The following AGBL4 variants were observed in gnomAD, a reference collection of about 807,000 sequenced individuals.
AGBL4 encodes the protein cytosolic carboxypeptidase 6.
AGBL4 carries 58 observed loss-of-function variants against 66.4 expected under a neutral mutation model. The observed-to-expected ratio is 0.87, with a 90% CI of 0.71 to 1.09. AGBL4 has a LOEUF of 1.09. Among genes scored for constraint, AGBL4 ranks in the 50% least tolerant of loss-of-function variants. The pLI is 0.00. For synonymous variants in AGBL4, 234 were observed against 222.9 expected (o/e 1.05, Z -0.44); for missense variants, 579 against 631.0 (o/e 0.92, Z 0.88).
At chr1:49,820,584 C>T (rs761864617) in intron 2 of AGBL4, among the ~76,000 whole-genome samples, 2 of 152,120 alleles carry the variant, frequency 1.3e-5, no homozygotes, top group Non-Finnish European at 2.9e-5. Flanking sequence ...TCAAACCCTA[C>T]ACAGGGATTG....
intron 1 of AGBL4, among the ~76,000 whole-genome samples, chr1:49,937,161 G>A (rs1361753308): frequency 5.3e-5 from 8 of 151,266 alleles, no homozygotes; most frequent in African/African-American, 1.7e-4. Flanking sequence ...CAAGCAAATG[G>A]AAAACAAAAA....
At chr1:49,879,688 C>T (rs946809846) in intron 1 of AGBL4, among the ~76,000 whole-genome samples, 1 of 135,296 alleles carries the variant, frequency 7.4e-6, no homozygotes, top group African/African-American at 2.9e-5. Flanking sequence ...TCTGTATTTC[C>T]TGAATCTGAA....
At chr1:49,877,747 C>T (rs1647064051) in intron 1 of AGBL4, among the ~76,000 whole-genome samples, 3 of 150,896 alleles carry the variant, frequency 2.0e-5, no homozygotes, top group African/African-American at 7.3e-5. Flanking sequence ...CCAGTTCCTC[C>T]TTGTACCTCT....
intron 1 of AGBL4, among the ~76,000 whole-genome samples, chr1:49,948,018 A>AATATATATTTTTATATATATATATT (rs1655479445): frequency 1.2e-5 from 1 of 83,658 alleles, no homozygotes; most frequent in African/African-American, 6.7e-5. Flanking sequence ...AAATATATAA[A>AATATATATTTTTATATATATATATT]TATATATAAA....
Position 49,736,482 on chromosome 1 carries a change from T to G in AGBL4, c.158-39045A>C, listed in dbSNP as rs111777073. On this transcript the variant is annotated intron_variant, in intron 2 of 13. Coordinates refer to ENST00000371839, the MANE Select transcript of AGBL4 (RefSeq NM_032785.4). ...CATGGAAATTAAAAAACCTGCCCTA[T>G]ATAACAAATGGATCAATTGAAAAAC... Among the ~76,000 whole-genome samples the G allele has an allele frequency of 3.6e-3, 554 of 152,188 alleles. 6 individuals carry two copies. The highest frequency in any genetic ancestry group is 0.013 in the African/African-American group (532 of 41,552).
chr1:49,388,235 G>A (rs547956609), intron 3 of AGBL4, among the ~76,000 whole-genome samples: 3 of 152,088 alleles, frequency 2.0e-5, no homozygotes, highest in Non-Finnish European at 1.5e-5. Flanking sequence ...TAAAGGGCCT[G>A]ATAGTAAATA....
chr1:48,650,394 A>T (rs1645907535), intron 8 of AGBL4, among the ~76,000 whole-genome samples: 2 of 152,104 alleles, frequency 1.3e-5, no homozygotes, highest in South Asian at 4.1e-4. Context: ...CAATTTGATC[A>T]GTTCCTGGGA....
intron 3 of AGBL4, among the ~76,000 whole-genome samples, chr1:49,376,206 G>A (rs1020587945): frequency 2.0e-5 from 3 of 152,036 alleles, no homozygotes; most frequent in African/African-American, 7.2e-5. Flanking sequence ...TATTGCCTCA[G>A]TCTGGAACAC....
chr1:48,661,603 A>T (rs1299249702), intron 7 of AGBL4, among the ~76,000 whole-genome samples: 1 of 152,204 alleles, frequency 6.6e-6, no homozygotes, highest in East Asian at 1.9e-4. Context: ...CACCATCCAA[A>T]GATTCCCTTT....
chr1:49,130,760 T>C (rs1359561119), intron 4 of AGBL4, among the ~76,000 whole-genome samples: 1 of 152,106 alleles, frequency 6.6e-6, no homozygotes, highest in Non-Finnish European at 1.5e-5. Context: ...TGCCTCCAGC[T>C]TTGTTCTTTT....
intron 9 of AGBL4, among the ~76,000 whole-genome samples, chr1:48,623,685 T>C (rs762359311): frequency 1.3e-5 from 2 of 152,216 alleles, no homozygotes; most frequent in Non-Finnish European, 2.9e-5. Flanking sequence ...GTTCCACACA[T>C]ACTGAACACA....
intron 2 of AGBL4, chr1:49,845,872 C>T: frequency 1.4e-6 from 2 of 1,403,780 alleles, no homozygotes; most frequent in Non-Finnish European, 2.0e-6. Flanking sequence ...TCTGGCAGAG[C>T]ACAAACCTCA....
At chr1:49,046,786 C>G (rs1644091028) in intron 4 of AGBL4, among the ~76,000 whole-genome samples, 1 of 152,094 alleles carries the variant, frequency 6.6e-6, no homozygotes, top group East Asian at 1.9e-4. Context: ...GCTTTTTTAT[C>G]AATTGCTTAA....
intron 5 of AGBL4, among the ~76,000 whole-genome samples, chr1:49,034,627 C>T (rs914351682): frequency 6.6e-6 from 1 of 152,104 alleles, no homozygotes; most frequent in African/African-American, 2.4e-5. Flanking sequence ...GTAGTTTAAT[C>T]ATGGGGGTGG....
At chr1:48,595,602 C>G (rs1464787805) in intron 9 of AGBL4, among the ~76,000 whole-genome samples, 1 of 152,200 alleles carries the variant, frequency 6.6e-6, no homozygotes, top group Non-Finnish European at 1.5e-5. Context: ...AAGGGCTGTC[C>G]CCTTGCCAGC....
intron 3 of AGBL4, among the ~76,000 whole-genome samples, chr1:49,676,154 T>C (rs991879729): frequency 3.3e-5 from 5 of 152,052 alleles, no homozygotes; most frequent in Admixed American, 3.3e-4. Flanking sequence ...ACATGAGCAA[T>C]TTGGTAAAAG....
At chr1:49,747,243 A>G (rs917910127) in intron 2 of AGBL4, among the ~76,000 whole-genome samples, 2 of 152,138 alleles carry the variant, frequency 1.3e-5, no homozygotes, top group Admixed American at 1.3e-4. Flanking sequence ...GTACATCAGA[A>G]CTGAGTTCTA....
intron 3 of AGBL4, among the ~76,000 whole-genome samples, chr1:49,416,233 T>C: frequency 6.6e-6 from 1 of 152,268 alleles, no homozygotes; most frequent in Middle Eastern, 3.4e-3. Context: ...CATGTGGTAA[T>C]ATAAAAGGCA....
intron 1 of AGBL4, among the ~76,000 whole-genome samples, chr1:49,938,310 C>T (rs1354606341): frequency 1.1e-4 from 16 of 152,108 alleles, no homozygotes; most frequent in African/African-American, 3.9e-4. Flanking sequence ...AAGTTGAATC[C>T]CTGAATAGAC....
Sources: allele counts gnomAD v4.1 joint callset (sites outside exome capture counted in the v4.1 genomes callset), GRCh38; gene constraint gnomAD v4.1.1; transcripts MANE v1.5; gene names NCBI Gene and HGNC (gene_info 2026-07-23, HGNC 2026-07-21).